FLI1: variants seen among roughly 807,000 people sequenced by gnomAD.
FLI1 encodes Fli-1 proto-oncogene, ETS transcription factor.
FLI1 carries 13 observed loss-of-function variants against 53.1 expected under a neutral mutation model. That is an observed-to-expected ratio of 0.24 (90% CI 0.16 to 0.39). FLI1 has a LOEUF of 0.39. Ranked by LOEUF, FLI1 falls within the 10% of genes least tolerant of loss-of-function variation. The probability of loss-of-function intolerance (pLI) is 1.00; values close to 1 mark genes in which losing one functional copy is unlikely to be tolerated. For missense variants in FLI1, 424 were observed against 600.5 expected (o/e 0.71, Z 3.07); for synonymous variants, 244 against 236.7 (o/e 1.03, Z -0.28).
upstream of FLI1, chr11:128,691,666 CCA>C (rs1440982448): frequency 2.0e-5 from 3 of 152,196 alleles, no homozygotes; most frequent in East Asian, 5.8e-4. Context: ...CGATGGAGTT[CCA>C]CAGTTAAAAA....
chr11:128,726,163 C>T (rs976094972), intron 1 of FLI1, among the ~76,000 whole-genome samples: 6 of 152,202 alleles, frequency 3.9e-5, no homozygotes, highest in Non-Finnish European at 5.9e-5. Flanking sequence ...TGAAGCATGA[C>T]TGGCAGACAT....
intron 1 of FLI1, among the ~76,000 whole-genome samples, chr11:128,749,207 C>T (rs1490684137): frequency 6.6e-6 from 1 of 152,230 alleles, no homozygotes; most frequent in Non-Finnish European, 1.5e-5. Flanking sequence ...CAGACAGTCA[C>T]CTCTACAGCC....
upstream of FLI1, chr11:128,692,660 T>C (rs1456896535): frequency 6.6e-6 from 1 of 152,254 alleles, no homozygotes; most frequent in African/African-American, 2.4e-5. Context: ...GTCACCTTTT[T>C]TCGCCTCTGT....
intron 5 of FLI1, among the ~76,000 whole-genome samples, chr11:128,791,125 T>G (rs1942257006): frequency 6.6e-6 from 1 of 152,160 alleles, no homozygotes; most frequent in East Asian, 1.9e-4. Flanking sequence ...GATTCAGCTC[T>G]GTGGGACCGC....
intron 3 of FLI1, among the ~76,000 whole-genome samples, chr11:128,769,236 G>C (rs558682766): frequency 6.6e-6 from 1 of 152,092 alleles, no homozygotes; most frequent in African/African-American, 2.4e-5. Flanking sequence ...TGCACAAGAA[G>C]GGTGTTTACA....
chr11:128,764,921 C>G, intron 2 of FLI1: 2 of 1,295,106 alleles, frequency 1.5e-6, no homozygotes, highest in Non-Finnish European at 2.2e-6. Flanking sequence ...CTAAGGACAC[C>G]CGCCTGCAGG....
chr11:128,780,581 G>A (rs1411303037), intron 4 of FLI1, among the ~76,000 whole-genome samples: 2 of 150,908 alleles, frequency 1.3e-5, no homozygotes, highest in African/African-American at 5.0e-5. Context: ...GGCAACAAGA[G>A]CGAAACTCCG....
At chr11:128,807,658 CAA>C (rs1404772710) in intron 7 of FLI1, among the ~76,000 whole-genome samples, 2 of 152,188 alleles carry the variant, frequency 1.3e-5, no homozygotes, top group African/African-American at 2.4e-5. Flanking sequence ...GTTGGCTTAA[CAA>C]TTAAGGCAGA....
rs1434703238 is a variant in FLI1 at position 128,812,703 on chromosome 11, T to TC, written c.*1717dup. 9.1e-6 allele frequency: 2 copies of TC among 220,938 alleles called. No homozygotes were observed. Among genetic ancestry groups the TC allele is most frequent in the African/African-American group, 4.5e-5 (2 of 44,756 alleles). 13.7% of individuals were successfully genotyped at this position (220,938 alleles called of 1,614,324 possible). On this transcript the variant is annotated 3_prime_UTR_variant, in exon 9 of 9. Transcript: ENST00000527786. ...GACTGGAGCAAAGCGAGCTGGTCTATCCAGACTGGTCTGTGAGATTTAACT... is the reference window on the plus strand; with the variant it reads ...GACTGGAGCAAAGCGAGCTGGTCTATCCCAGACTGGTCTGTGAGATTTAACT...
At chr11:128,771,461 T>C (rs1203591188) in intron 3 of FLI1, among the ~76,000 whole-genome samples, 4 of 152,244 alleles carry the variant, frequency 2.6e-5, no homozygotes, top group African/African-American at 9.6e-5. Context: ...TGTGTAAAAG[T>C]GCTGGGAAAC....
chr11:128,694,233 G>A lies in FLI1; in HGVS notation c.-26G>A, dbSNP rs772912959. On this transcript the variant is annotated 5_prime_UTR_variant, in exon 1 of 9. Coordinates refer to ENST00000527786, the MANE Select transcript of FLI1 (RefSeq NM_002017.5). Reference sequence around the variant, plus strand: ...AACCGGGTCAATGTGTGGAATATTGGGGGGCTCGGCTGCAGACTTGGCCAA... The same window carrying A: ...AACCGGGTCAATGTGTGGAATATTGAGGGGCTCGGCTGCAGACTTGGCCAA... The A allele has an allele frequency of 2.0e-6, 3 of 1,508,916 alleles. No individual in the cohort carries two copies. Among genetic ancestry groups the A allele is most frequent in the Non-Finnish European group, 2.7e-6 (3 of 1,127,970 alleles). The allele number at this position is 1,508,916 out of a possible 1,614,324, so 93.5% of individuals were successfully genotyped here. A position where few individuals can be genotyped will look rare whatever the true frequency, so the allele number is the denominator to read the frequency against.
At chr11:128,771,475 C>T (rs755142112) in intron 3 of FLI1, among the ~76,000 whole-genome samples, 3 of 152,232 alleles carry the variant, frequency 2.0e-5, no homozygotes, top group African/African-American at 7.2e-5. Context: ...GGGAAACTTG[C>T]CTCTGGCTGC....
intron 1 of FLI1, among the ~76,000 whole-genome samples, chr11:128,753,077 G>A (rs899550773): frequency 2.0e-5 from 3 of 152,188 alleles, no homozygotes; most frequent in Admixed American, 6.5e-5. Flanking sequence ...AATGTGCTGG[G>A]GCACTTCCCT....
intron 5 of FLI1, among the ~76,000 whole-genome samples, chr11:128,798,491 G>A (rs1229014519): frequency 6.6e-6 from 1 of 152,152 alleles, no homozygotes; most frequent in Non-Finnish European, 1.5e-5. Flanking sequence ...TTTCTTCCAA[G>A]CCTTTTCCTC....
intron 1 of FLI1, among the ~76,000 whole-genome samples, chr11:128,744,460 T>C (rs1940287425): frequency 6.6e-6 from 1 of 152,256 alleles, no homozygotes; most frequent in African/African-American, 2.4e-5. Flanking sequence ...GCTTACTATG[T>C]GATAGGCATG....
Position 128,734,860 on chromosome 11 carries a change from C to T in FLI1, c.19-23255C>T, listed in dbSNP as rs116205358. Among the ~76,000 whole-genome samples the T allele has an allele frequency of 4.4e-3, 673 of 152,196 alleles. 3 individuals are homozygous for T. The highest frequency in any genetic ancestry group is 0.015 in the African/African-American group (637 of 41,514). On this transcript the variant is annotated intron_variant, in intron 1 of 8. Transcript: ENST00000527786. ...TGCCCTAAAATCGCCTACCATCTAA[C>T]CAAAGGGGCAAGATCAAAAGGGAAA... is the stretch of plus-strand genomic sequence containing the variant.
Position 128,772,948 on chromosome 11 carries a change from G to A in FLI1, c.552G>A (p.Thr184=), listed in dbSNP as rs201742274. ...TCCGCGCCACCACCCTCTACAACAC[G>A]GAAGTGCTGTTGTCACACCTCAGTT... ...DFLRATTLYN[T]EVLLSHLSYL... The change falls in exon 4 of 9, where the codon ACG becomes ACA. Residue 184 remains threonine, a synonymous_variant. Transcript: ENST00000527786. 2.2e-5 allele frequency: 36 copies of A among 1,613,916 alleles called. 1 individual carries two copies. Among genetic ancestry groups the A allele is most frequent in the Middle Eastern group, 1.6e-4 (1 of 6,062 alleles).
chr11:128,764,745 G>A, intron 2 of FLI1: 1 of 1,582,562 alleles, frequency 6.3e-7, no homozygotes, highest in Non-Finnish European at 8.5e-7. Context: ...CCGCACGCAG[G>A]GCTTGCGCTG....
At chr11:128,736,693 C>A (rs1383162949) in intron 1 of FLI1, among the ~76,000 whole-genome samples, 2 of 152,194 alleles carry the variant, frequency 1.3e-5, no homozygotes, top group Non-Finnish European at 2.9e-5. Context: ...TATATATAAT[C>A]AACAGAAAAT....
Sources: allele counts gnomAD v4.1 joint callset (sites outside exome capture counted in the v4.1 genomes callset), GRCh38; gene constraint gnomAD v4.1.1; transcripts MANE v1.5; gene names NCBI Gene and HGNC (gene_info 2026-07-23, HGNC 2026-07-21).